MYO15B: variants seen among roughly 807,000 people sequenced by gnomAD.
MYO15B encodes myosin XVB pseudogene.
A neutral mutation model predicts 119.3 loss-of-function variants in MYO15B; 207 were observed. That is an observed-to-expected ratio of 1.73 (90% CI 1.55 to 1.95). The LOEUF (loss-of-function observed/expected upper bound fraction) is 1.95. Ranked by LOEUF, MYO15B falls within the 30% of genes most tolerant of loss-of-function variation. The pLI, the probability that MYO15B is intolerant of heterozygous loss-of-function variation, is 0.00. For synonymous variants in MYO15B, 966 were observed against 498.9 expected, an observed-to-expected ratio of 1.94 and a Z score of -12.48; for missense variants, 2,264 against 1,203.1, an observed-to-expected ratio of 1.88 and a Z score of -13.04.
chr17:75,625,788 G>C lies in MYO15B; in HGVS notation c.8939-56G>C, dbSNP rs777009903. On this transcript the variant is annotated intron_variant, in intron 61 of 63. Transcript: ENST00000645453. ...CAGCTGACCTGGGGGACCAAGCAGA[G>C]CAGGTTCCAGGGCCCCAGCAGTCAG... The C allele has an allele frequency of 2.3e-5, 16 of 701,178 alleles. No homozygotes were observed. In the Admixed American group the frequency reaches 3.0e-4, roughly 13 times the overall value. 43.4% of individuals were successfully genotyped at this position (701,178 alleles called of 1,614,324 possible).
At position 75,624,528 on chromosome 17, in the gene MYO15B, T is replaced by C; in HGVS notation, c.8446-15T>C. The C allele has an allele frequency of 1.4e-6, 1 of 703,120 alleles. No individual in the cohort carries two copies. Among genetic ancestry groups the C allele is most frequent in the Non-Finnish European group, 2.6e-6 (1 of 385,020 alleles). The allele number at this position is 703,120 out of a possible 1,614,324, so 43.6% of individuals were successfully genotyped here. A position where few individuals can be genotyped will look rare whatever the true frequency, so the allele number is the denominator to read the frequency against. Reference sequence around the variant, plus strand: ...AGCCTCCCTCCCCCTCATCACAGTCTGTCCACATGCCCAGGTAGCAGCAGA... The same window carrying C: ...AGCCTCCCTCCCCCTCATCACAGTCCGTCCACATGCCCAGGTAGCAGCAGA... On this transcript the variant is annotated splice_polypyrimidine_tract_variant and intron_variant, in intron 57 of 63. Coordinates refer to ENST00000645453, the Ensembl canonical transcript of MYO15B.
exon 8 of MYO15B, chr17:75,592,503 T>C: frequency 1.6e-6 from 1 of 606,816 alleles, no homozygotes; most frequent in Non-Finnish European, 2.9e-6. Context: ...GGAGCGGCTC[T>C]CCCTGCAGGG....
intron 14 of MYO15B, among the ~76,000 whole-genome samples, chr17:75,600,851 G>A (rs1183089158): frequency 4.0e-5 from 6 of 150,550 alleles, no homozygotes; most frequent in South Asian, 4.2e-4. Flanking sequence ...GCCTCAAAGC[G>A]CTGCGGTTAC....
rs1345333990 is a variant in MYO15B, at chr17:75,614,951, G to C, written c.5560-10G>C. ...GCTCTCACTCTGACCTGTGACCATT[G>C]TCCCTTTAGGATCTGGAACAAAGCT... On this transcript the variant is annotated splice_polypyrimidine_tract_variant and intron_variant, in intron 32 of 63. Coordinates refer to ENST00000645453, the Ensembl canonical transcript of MYO15B. 4.3e-6 allele frequency: 3 copies of C among 702,928 alleles called. No individual in the cohort carries two copies. The highest frequency in any genetic ancestry group is 7.8e-6 in the Non-Finnish European group (3 of 385,042). 43.5% of individuals were successfully genotyped at this position (702,928 alleles called of 1,614,324 possible). A position where few individuals can be genotyped will look rare whatever the true frequency, so the allele number is the denominator to read the frequency against.
intron 9 of MYO15B, 143 bp from the exon 10 acceptor site, chr17:75,594,332 C>T (rs1199844440): frequency 3.9e-6 from 2 of 509,106 alleles, no homozygotes; most frequent in Non-Finnish European, 6.9e-6. Flanking sequence ...CATAGCCTCG[C>T]TCCTAATGGC....
intron 5 of MYO15B, 94 bp downstream of exon 5, chr17:75,591,806 C>A: frequency 1.4e-6 from 1 of 690,064 alleles, no homozygotes. Flanking sequence ...TATCTTTCTC[C>A]TTTCAGCCAG....
intron 23 of MYO15B, 56 bp downstream of exon 23, chr17:75,611,015 G>C (rs752959359): frequency 1.4e-6 from 1 of 702,766 alleles, no homozygotes. Context: ...TGCTGAGACT[G>C]GGACAGCTTA....
exon 59 of MYO15B, chr17:75,624,849 G>A (rs556145797): frequency 5.5e-5 from 39 of 703,018 alleles, no homozygotes; most frequent in African/African-American, 2.6e-4. Context: ...CTGCACAGCC[G>A]GCGGCTCCAC....
intron 1 of MYO15B, 75 bp downstream of exon 1, chr17:75,590,318 A>C: frequency 2.5e-6 from 1 of 398,858 alleles, no homozygotes; most frequent in Non-Finnish European, 4.4e-6. Flanking sequence ...CATCTTTATG[A>C]ATTGCGTGTA....
intron 53 of MYO15B, among the ~76,000 whole-genome samples, chr17:75,623,049 G>A (rs111254226): frequency 0.054 from 7,345 of 136,682 alleles, 186 homozygotes; most frequent in Admixed American, 0.068. Context: ...AGAGAAGCAG[G>A]GGCCGGGCGC....
chr17:75,591,224 C>T lies in MYO15B; in HGVS notation c.2413C>T (p.Gln805Ter), dbSNP rs762305780. 2.8e-6 allele frequency: 2 copies of T among 702,982 alleles called. No individual in the cohort carries two copies. The highest frequency in any genetic ancestry group is 1.5e-5 in the South Asian group (1 of 67,596). 43.5% of individuals were successfully genotyped at this position (702,982 alleles called of 1,614,324 possible). A position where few individuals can be genotyped will look rare whatever the true frequency, so the allele number is the denominator to read the frequency against. Residue 805 changes from glutamine (Q) to a stop codon, truncating the protein, a stop_gained, in exon 4 of 64, where the codon CAG becomes TAG. Transcript: ENST00000645453. LOFTEE classifies it high-confidence loss of function. ...CTATGACCTGGCTCAGAATACTGGG[C>T]AGGACCCATGCATCCTCCTGTGGTG... is the stretch of plus-strand genomic sequence containing the variant.
intron 12 of MYO15B, among the ~76,000 whole-genome samples, chr17:75,596,182 C>G (rs558062250): frequency 3.9e-5 from 6 of 152,236 alleles, no homozygotes; most frequent in African/African-American, 1.2e-4. Context: ...TAGGGAAAGT[C>G]GCCTTCCAAG....
chr17:75,614,369 C>T lies in MYO15B; in HGVS notation c.5381+9C>T, dbSNP rs2058228022. The stretch of plus-strand genomic sequence containing the variant: ...ATCACTCCTCTTGGCTCGTAGGTGC[C>T]ACCCAGCACCCCTCTCCCTGGCCTG... On this transcript the variant is annotated intron_variant, in intron 30 of 63. Coordinates refer to ENST00000645453, the Ensembl canonical transcript of MYO15B. The T allele has an allele frequency of 1.4e-6, 1 of 701,566 alleles. No individual in the cohort carries two copies. The highest frequency in any genetic ancestry group is 2.6e-6 in the Non-Finnish European group (1 of 384,202). 43.5% of individuals were successfully genotyped at this position (701,566 alleles called of 1,614,324 possible).
Position 75,620,633 on chromosome 17 carries a change from A to C in MYO15B, c.7722A>C (p.Ser2574=), listed in dbSNP as rs138587564. The C allele has an allele frequency of 5.1e-4, 359 of 699,192 alleles. 3 individuals are homozygous for C. In the East Asian group the frequency reaches 9.6e-3, roughly 19 times the overall value. 43.3% of individuals were successfully genotyped at this position (699,192 alleles called of 1,614,324 possible). ...GGCTGGCTCGGTGGGACAGGGCCTC[A>C]GAGGTGAGGAAGATGGGAGAGGGAC... The change falls in exon 49 of 64, where the codon TCA becomes TCC. Residue 2574 remains serine (S), a synonymous_variant. Coordinates refer to ENST00000645453, the Ensembl canonical transcript of MYO15B.
chr17:75,614,873 T>G (rs2058267501), intron 32 of MYO15B, 24 bp downstream of exon 32: 3 of 702,694 alleles, frequency 4.3e-6, no homozygotes, highest in Non-Finnish European at 7.8e-6. Context: ...AGCCCCCAAA[T>G]GCCCCTGCCC....
intron 9 of MYO15B, among the ~76,000 whole-genome samples, chr17:75,593,626 A>ACC (rs59343394): frequency 6.7e-6 from 1 of 150,024 alleles, no homozygotes; most frequent in Non-Finnish European, 1.5e-5. Flanking sequence ...AAAAAAAAAA[A>ACC]AAAACAAAAC....
intron 45 of MYO15B, 72 bp downstream of exon 45, chr17:75,619,548 C>T: frequency 4.4e-6 from 3 of 686,562 alleles, no homozygotes; most frequent in Non-Finnish European, 8.0e-6. Context: ...TGGGCACAGA[C>T]CACAAGCAGG....
exon 63 of MYO15B, chr17:75,626,135 G>C (rs1198577777): frequency 1.4e-6 from 1 of 703,066 alleles, no homozygotes; most frequent in East Asian, 2.7e-5. Flanking sequence ...GGCTCCACCT[G>C]CTAAGCCCTC....
At chr17:75,602,712 C>T (rs774761600) in intron 16 of MYO15B, 118 bp downstream of exon 16, 25 of 606,426 alleles carry the variant, frequency 4.1e-5, no homozygotes, top group Non-Finnish European at 7.0e-5. Flanking sequence ...CACCTTGGGC[C>T]ATGGGCTGAG....
Sources: allele counts gnomAD v4.1 joint callset (sites outside exome capture counted in the v4.1 genomes callset), GRCh38; gene constraint gnomAD v4.1.1; transcripts MANE v1.5; gene names NCBI Gene and HGNC (gene_info 2026-07-23, HGNC 2026-07-21).